QKI: variants seen among roughly 807,000 people sequenced by gnomAD.
The protein encoded by QKI is QKI, KH domain containing RNA binding, also known as KH domain-containing RNA-binding protein QKI.
A neutral mutation model predicts 39.0 loss-of-function variants in QKI; 10 were observed. The observed-to-expected ratio is 0.26, with a 90% confidence interval of 0.16 to 0.43. QKI has a LOEUF of 0.43. QKI is among the 20% of genes least tolerant of loss of function. The pLI is 1.00. For missense variants in QKI, 218 were observed against 428.0 expected (o/e 0.51, Z 4.33); for synonymous variants, 204 against 155.4 (o/e 1.31, Z -2.33).
Position 163,517,022 on chromosome 6 carries a change from A to G in QKI, c.403-17960A>G, listed in dbSNP as rs564034452. Among the ~76,000 whole-genome samples the G allele has an allele frequency of 1.3e-4, 20 of 152,102 alleles. No individual in the cohort carries two copies. The East Asian group carries it at 3.1e-3, about 24-fold the overall frequency. ...GAAAAGCTTAACAAGTTTCAACCAG[A>G]GAAGCAGTAGGGGACACACACACAC... On this transcript the variant is annotated intron_variant, in intron 3 of 7. Transcript: ENST00000361752.
At chr6:163,450,682 A>G (rs996190711) in intron 1 of QKI, among the ~76,000 whole-genome samples, 3 of 152,188 alleles carry the variant, frequency 2.0e-5, no homozygotes, top group East Asian at 1.9e-4. Flanking sequence ...CGAGGCAGTA[A>G]GTAGTAACAG....
intron 3 of QKI, among the ~76,000 whole-genome samples, chr6:163,494,683 A>G (rs13210232): frequency 0.026 from 201 of 7,862 alleles, 1 homozygote; most frequent in East Asian, 0.15. Context: ...TGTTGTTGTT[A>G]TTGTTGTTTT....
chr6:163,455,511 T>A, intron 2 of QKI, 90 bp downstream of exon 2: 2 of 1,294,424 alleles, frequency 1.5e-6, no homozygotes, highest in Non-Finnish European at 2.1e-6. Flanking sequence ...TAAGCATTAT[T>A]AGCCACTTTA....
chr6:163,569,287 TAGAA>T, intron 7 of QKI: 2 of 1,026,610 alleles, frequency 1.9e-6, no homozygotes, highest in South Asian at 6.5e-5. Flanking sequence ...TGATAGACTA[TAGAA>T]AACATTTTTG....
intron 1 of QKI, among the ~76,000 whole-genome samples, chr6:163,445,629 T>G (rs1313892181): frequency 6.6e-6 from 1 of 151,662 alleles, no homozygotes; most frequent in Non-Finnish European, 1.5e-5. Flanking sequence ...TTTTTTTTTT[T>G]TTTTAGTTGG....
At chr6:163,561,724 G>A (rs1032075822) in intron 4 of QKI, among the ~76,000 whole-genome samples, 7 of 152,108 alleles carry the variant, frequency 4.6e-5, no homozygotes, top group Non-Finnish European at 7.4e-5. Flanking sequence ...AAGCTTTTTA[G>A]GGGAACTTTA....
chr6:163,546,749 C>CT (rs1314736256), intron 4 of QKI, among the ~76,000 whole-genome samples: 4 of 151,896 alleles, frequency 2.6e-5, no homozygotes, highest in Non-Finnish European at 5.9e-5. Flanking sequence ...TTTGGTAGCT[C>CT]ATTATAGCTT....
At chr6:163,439,356 G>A (rs1457497573) in intron 1 of QKI, among the ~76,000 whole-genome samples, 1 of 116,538 alleles carries the variant, frequency 8.6e-6, no homozygotes. Context: ...TTTTTTTTTC[G>A]GGGGGGTGGG....
chr6:163,489,472 AT>A (rs1165174974), intron 3 of QKI, among the ~76,000 whole-genome samples: 1 of 149,282 alleles, frequency 6.7e-6, no homozygotes, highest in African/African-American at 2.6e-5. Context: ...TGTAAAAGTC[AT>A]TACTGTTATG....
intron 7 of QKI, chr6:163,567,079 G>C: frequency 9.3e-7 from 1 of 1,074,618 alleles, no homozygotes; most frequent in South Asian, 3.8e-5. Context: ...ATTAAATTTT[G>C]ATGTTGCCTC....
At chr6:163,447,097 T>G (rs1232218846) in intron 1 of QKI, among the ~76,000 whole-genome samples, 2 of 152,224 alleles carry the variant, frequency 1.3e-5, no homozygotes, top group African/African-American at 4.8e-5. Context: ...AAATGAATTT[T>G]AAGAGTTTCT....
At chr6:163,483,496 T>C (rs1793239687) in intron 3 of QKI, among the ~76,000 whole-genome samples, 3 of 152,210 alleles carry the variant, frequency 2.0e-5, no homozygotes, top group South Asian at 2.1e-4. Context: ...TTATAAATTT[T>C]TTTTTGTCAT....
At chr6:163,568,191 G>C (rs1160650017) in intron 7 of QKI, 1 of 983,638 alleles carries the variant, frequency 1.0e-6, no homozygotes, top group Non-Finnish European at 1.2e-6. Flanking sequence ...AATAATTTGA[G>C]GTTTTATTCA....
intron 7 of QKI, chr6:163,568,874 G>T (rs1783534322): frequency 1.0e-6 from 1 of 985,708 alleles, no homozygotes; most frequent in Non-Finnish European, 1.2e-6. Context: ...GTATGGTCTT[G>T]CATGGTGACA....
At chr6:163,429,497 ATTTAC>A (rs1582968711) in intron 1 of QKI, among the ~76,000 whole-genome samples, 1 of 152,168 alleles carries the variant, frequency 6.6e-6, no homozygotes, top group East Asian at 1.9e-4. Context: ...GTATATTATA[ATTTAC>A]TTAACTAATC....
At chr6:163,421,563 TTTGA>T (rs140781) in intron 1 of QKI, among the ~76,000 whole-genome samples, 52,650 of 151,760 alleles carry the variant, frequency 0.35, 9,925 homozygotes, top group African/African-American at 0.47. Flanking sequence ...AACGACTGTA[TTTGA>T]TTGAGTGATT....
intron 1 of QKI, 139 bp from the exon 2 acceptor site, chr6:163,455,140 A>T: frequency 1.7e-6 from 1 of 595,644 alleles, no homozygotes; most frequent in Non-Finnish European, 2.8e-6. Flanking sequence ...AATCCAGAGA[A>T]TGATAGAATA....
At chr6:163,438,613 A>C (rs1271499086) in intron 1 of QKI, among the ~76,000 whole-genome samples, 1 of 152,174 alleles carries the variant, frequency 6.6e-6, no homozygotes, top group African/African-American at 2.4e-5. Flanking sequence ...TAAACGTAGA[A>C]ACATTCTAAA....
intron 2 of QKI, among the ~76,000 whole-genome samples, chr6:163,462,374 C>G (rs1368386609): frequency 1.3e-5 from 2 of 152,258 alleles, no homozygotes; most frequent in East Asian, 3.9e-4. Flanking sequence ...TTCCCAAGTC[C>G]AAAATCAGTG....
Sources: allele counts gnomAD v4.1 joint callset (sites outside exome capture counted in the v4.1 genomes callset), GRCh38; gene constraint gnomAD v4.1.1; transcripts MANE v1.5; gene names NCBI Gene and HGNC (gene_info 2026-07-23, HGNC 2026-07-21).